Variants in ADTRP observed in about 807,000 individuals in gnomAD.
ADTRP encodes androgen-dependent TFPI-regulating protein.
Under a neutral mutation model 27.0 loss-of-function variants are expected in ADTRP, and 20 were observed. The ratio of observed to expected loss-of-function variants is 0.74; its 90% confidence interval spans 0.52 to 1.08. ADTRP has a LOEUF of 1.08. Among genes scored for constraint, ADTRP ranks in the 50% least tolerant of loss-of-function variants. The probability of loss-of-function intolerance (pLI) is 0.00; values close to 1 mark genes in which losing one functional copy is unlikely to be tolerated. For missense variants in ADTRP, 251 were observed against 275.0 expected (o/e 0.91, Z 0.62); for synonymous variants, 101 against 105.2 (o/e 0.96, Z 0.25).
chr6:11,768,285 G>A lies in ADTRP; in HGVS notation c.252C>T (p.Asp84=). The A allele has an allele frequency of 1.2e-6, 2 of 1,614,164 alleles. No homozygotes were observed. The highest frequency in any genetic ancestry group is 2.2e-5 in the South Asian group (2 of 91,078). Residue 84 remains aspartate (D), a synonymous_variant, in exon 2 of 6, where the codon GAC becomes GAT. Transcript: ENST00000414691. ...GAAAAGCCAGAGTGGTGAAAAGCAG[G>A]TCTCTGAAGGCAGTTAGGAACTTAA... ...KDIKFLTAFR[D]LLFTTLAFPV...
chr6:11,746,421 GT>G (rs1762867972), intron 3 of ADTRP, among the ~76,000 whole-genome samples: 1 of 152,122 alleles, frequency 6.6e-6, no homozygotes, highest in African/African-American at 2.4e-5. Context: ...AGTCTTTGTG[GT>G]GGGGGGTAGG....
chr6:11,722,619 C>A (rs1221431851), intron 5 of ADTRP, among the ~76,000 whole-genome samples: 1 of 151,618 alleles, frequency 6.6e-6, no homozygotes, highest in Non-Finnish European at 1.5e-5. Flanking sequence ...ACTTTTCCAA[C>A]AATAAAAAAA....
intron 3 of ADTRP, among the ~76,000 whole-genome samples, chr6:11,757,079 C>A (rs1159212743): frequency 6.6e-6 from 1 of 152,144 alleles, no homozygotes; most frequent in Non-Finnish European, 1.5e-5. Flanking sequence ...AAGTGTGTAT[C>A]AGAAATATAT....
rs73725708 is a variant in ADTRP at position 11,733,703 on chromosome 6, C to T, written c.506+1865G>A. Among the ~76,000 whole-genome samples, 145 of 152,302 alleles carry T rather than the reference C, an allele frequency of 9.5e-4. 1 individual carries two copies. The highest frequency in any genetic ancestry group is 3.3e-3 in the African/African-American group (139 of 41,554). ...TATCCTCCATATTTTAGCACAGTGC[C>T]TGGCGCTGGTGAACCACTGAATGGA... On this transcript the variant is annotated intron_variant, in intron 4 of 5. Coordinates refer to ENST00000414691, the MANE Select transcript of ADTRP (RefSeq NM_032744.4).
At chr6:11,735,428 T>C in intron 4 of ADTRP, 140 bp downstream of exon 4, 4 of 656,464 alleles carry the variant, frequency 6.1e-6, no homozygotes, top group Non-Finnish European at 1.0e-5. Flanking sequence ...TAAGAATGCT[T>C]CTTACCTGGA....
chr6:11,771,449 G>C (rs1409278620), intron 1 of ADTRP, among the ~76,000 whole-genome samples: 1 of 152,226 alleles, frequency 6.6e-6, no homozygotes, highest in East Asian at 1.9e-4. Context: ...GGGGCACACG[G>C]AGAGCGAGAG....
intron 1 of ADTRP, among the ~76,000 whole-genome samples, chr6:11,774,375 A>C (rs183621325): frequency 1.9e-3 from 285 of 146,188 alleles, no homozygotes; most frequent in African/African-American, 6.5e-3. Flanking sequence ...TGGTCCCCCA[A>C]GTGTTGAAGT....
chr6:11,728,507 G>C (rs998713968), intron 4 of ADTRP: 4 of 152,238 alleles, frequency 2.6e-5, no homozygotes, highest in African/African-American at 9.7e-5. Context: ...CCTGTGTCTG[G>C]CTGAATCTTA....
intron 3 of ADTRP, among the ~76,000 whole-genome samples, chr6:11,764,300 A>G (rs1209539856): frequency 6.6e-6 from 1 of 152,194 alleles, no homozygotes; most frequent in Non-Finnish European, 1.5e-5. Flanking sequence ...CATCATAACT[A>G]TTTGAAAGAA....
intron 4 of ADTRP, among the ~76,000 whole-genome samples, chr6:11,728,051 C>G (rs1312349073): frequency 2.6e-5 from 4 of 152,052 alleles, no homozygotes; most frequent in Non-Finnish European, 5.9e-5. Context: ...AATGTCAGCC[C>G]TCCATTCAAT....
At chr6:11,774,090 C>T (rs1399652328) in intron 1 of ADTRP, among the ~76,000 whole-genome samples, 1 of 152,090 alleles carries the variant, frequency 6.6e-6, no homozygotes, top group African/African-American at 2.4e-5. Context: ...AGGCGGATCA[C>T]AAGGTCAGGA....
At chr6:11,770,634 G>T (rs1763741734) in intron 1 of ADTRP, among the ~76,000 whole-genome samples, 1 of 152,122 alleles carries the variant, frequency 6.6e-6, no homozygotes, top group South Asian at 2.1e-4. Context: ...CCAGGGAGGG[G>T]TGGGGCAACA....
chr6:11,764,778 T>C (rs1481622374), intron 3 of ADTRP, among the ~76,000 whole-genome samples: 1 of 151,942 alleles, frequency 6.6e-6, no homozygotes, highest in Non-Finnish European at 1.5e-5. Flanking sequence ...TTTTATTTTA[T>C]CTTATTTTTT....
chr6:11,768,159 T>A, intron 2 of ADTRP, 90 bp downstream of exon 2: 1 of 1,510,240 alleles, frequency 6.6e-7, no homozygotes, highest in Non-Finnish European at 9.0e-7. Context: ...GGTTTCCAAT[T>A]ATGGGCTCCC....
chr6:11,750,916 A>G (rs1322689934), intron 3 of ADTRP, among the ~76,000 whole-genome samples: 1 of 152,214 alleles, frequency 6.6e-6, no homozygotes, highest in African/African-American at 2.4e-5. Context: ...CAACGGCACA[A>G]TCTTGGCTCT....
chr6:11,761,835 G>A (rs1339774101), intron 3 of ADTRP, among the ~76,000 whole-genome samples: 1 of 152,166 alleles, frequency 6.6e-6, no homozygotes, highest in East Asian at 1.9e-4. Flanking sequence ...ATATTTTCAG[G>A]TTCACAGAGG....
At chr6:11,766,563 A>G (rs1360283781) in intron 2 of ADTRP, among the ~76,000 whole-genome samples, 188 bp from the exon 3 acceptor site, 2 of 152,224 alleles carry the variant, frequency 1.3e-5, no homozygotes, top group Non-Finnish European at 2.9e-5. Flanking sequence ...CCTTTATTTC[A>G]TTGCTATATC....
intron 5 of ADTRP, among the ~76,000 whole-genome samples, chr6:11,720,693 G>C (rs754398586): frequency 6.6e-6 from 1 of 152,018 alleles, no homozygotes; most frequent in African/African-American, 2.4e-5. Context: ...GGATGGTCTC[G>C]ATCTACCGTG....
At chr6:11,768,709 G>A (rs1763653757) in intron 1 of ADTRP, among the ~76,000 whole-genome samples, 2 of 152,194 alleles carry the variant, frequency 1.3e-5, no homozygotes, top group South Asian at 4.1e-4. Flanking sequence ...CGGCACAGAG[G>A]TTGGAAGAAC....
Sources: gnomAD v4.1 joint callset for allele counts (sites outside exome capture counted in the v4.1 genomes callset) on GRCh38, gnomAD v4.1.1 for gene constraint, MANE v1.5 for transcripts, NCBI Gene and HGNC (gene_info 2026-07-23, HGNC 2026-07-21) for gene names.